Variants in MGAT4C observed in about 807,000 individuals in gnomAD.
MGAT4C encodes MGAT4 family member C, also known as alpha-1,3-mannosyl-glycoprotein 4-beta-N-acetylglucosaminyltransferase C.
In MGAT4C, 19 loss-of-function variants were observed where a neutral mutation model predicts 40.1. That is an observed-to-expected ratio of 0.47 (90% CI 0.33 to 0.70). The LOEUF (loss-of-function observed/expected upper bound fraction) is 0.70, where lower values mean the gene tolerates loss of function less well. Among genes scored for constraint, MGAT4C ranks in the 30% least tolerant of loss-of-function variants. The pLI, the probability that MGAT4C is intolerant of heterozygous loss-of-function variation, is 0.02. For synonymous variants in MGAT4C, 181 were observed against 187.1 expected, an observed-to-expected ratio of 0.97 and a Z score of 0.27; for missense variants, 491 against 563.2, an observed-to-expected ratio of 0.87 and a Z score of 1.30.
At chr12:86,040,308 T>G (rs1555211611) in intron 2 of MGAT4C, among the ~76,000 whole-genome samples, 1 of 152,206 alleles carries the variant, frequency 6.6e-6, no homozygotes, top group Non-Finnish European at 1.5e-5. Flanking sequence ...CAGGGAAGTT[T>G]AAGTCTGCTG....
chr12:86,260,591 G>A (rs1014895449), upstream of MGAT4C, among the ~76,000 whole-genome samples: 1 of 152,176 alleles, frequency 6.6e-6, no homozygotes, highest in Admixed American at 6.5e-5. Context: ...AGCAGAGTTA[G>A]TTATTATCTG....
intron 2 of MGAT4C, among the ~76,000 whole-genome samples, chr12:86,491,674 C>G (rs1031513730): frequency 6.6e-6 from 1 of 151,426 alleles, no homozygotes; most frequent in African/African-American, 2.4e-5. Flanking sequence ...CTATGACAAA[C>G]CCACAGCCAA....
chr12:86,741,732 C>T (rs1220956561), intron 1 of MGAT4C, among the ~76,000 whole-genome samples: 2 of 151,344 alleles, frequency 1.3e-5, no homozygotes, highest in East Asian at 3.9e-4. Context: ...ATTCATCTTC[C>T]TCTTATTCCT....
intron 1 of MGAT4C, among the ~76,000 whole-genome samples, chr12:86,733,852 A>G (rs1165391933): frequency 6.6e-6 from 1 of 152,144 alleles, no homozygotes; most frequent in Non-Finnish European, 1.5e-5. Context: ...TCTAAGCAAA[A>G]TGGGAATGTA....
intron 1 of MGAT4C, among the ~76,000 whole-genome samples, chr12:86,180,462 T>A (rs1458223542): frequency 6.6e-6 from 1 of 152,116 alleles, no homozygotes; most frequent in Non-Finnish European, 1.5e-5. Flanking sequence ...GCTTGCACCG[T>A]GCACGTGGAA....
At chr12:86,063,831 A>C (rs1305248894) in intron 1 of MGAT4C, among the ~76,000 whole-genome samples, 3 of 152,260 alleles carry the variant, frequency 2.0e-5, no homozygotes, top group African/African-American at 7.2e-5. Context: ...TAAAGTTATC[A>C]ATGCAACAAG....
At chr12:86,742,217 C>T (rs1593166717) in intron 1 of MGAT4C, among the ~76,000 whole-genome samples, 1 of 146,724 alleles carries the variant, frequency 6.8e-6, no homozygotes, top group South Asian at 2.4e-4. Context: ...TGCTGATTAA[C>T]TAAAACCAAC....
intron 1 of MGAT4C, among the ~76,000 whole-genome samples, chr12:86,193,750 A>G (rs1168923388): frequency 6.6e-6 from 1 of 152,152 alleles, no homozygotes; most frequent in Non-Finnish European, 1.5e-5. Context: ...TGCTGTTTCA[A>G]AGATAATGTG....
At chr12:86,173,357 T>G (rs1007253807) in intron 1 of MGAT4C, among the ~76,000 whole-genome samples, 1 of 152,112 alleles carries the variant, frequency 6.6e-6, no homozygotes, top group Non-Finnish European at 1.5e-5. Context: ...GAGATATATA[T>G]TTTTAGAAAT....
intron 1 of MGAT4C, among the ~76,000 whole-genome samples, chr12:86,174,629 C>G (rs1377401727): frequency 6.6e-6 from 1 of 152,010 alleles, no homozygotes; most frequent in Admixed American, 6.6e-5. Flanking sequence ...GTATGTAGCT[C>G]CACTCATTGT....
chr12:85,983,587 A>T lies in MGAT4C; in HGVS notation c.231T>A (p.Ser77=). 6.3e-7 allele frequency: 1 copy of T among 1,599,880 alleles called. No individual in the cohort carries two copies. Among genetic ancestry groups the T allele is most frequent in the Non-Finnish European group, 8.5e-7 (1 of 1,173,378 alleles). ...ERYVHTFKDL[S]NFSGAINVTY... ...TGACATTTATGGCTCCTGAGAAATT[A>T]GATAAATCCTTGAAAGTATGAACAT... The change falls in exon 4 of 5, where the codon TCT becomes TCA. Residue 77 remains serine (S), a synonymous_variant. Transcript: ENST00000611864.
intron 1 of MGAT4C, among the ~76,000 whole-genome samples, chr12:86,215,208 C>T (rs61949007): frequency 0.073 from 11,158 of 152,174 alleles, 572 homozygotes; most frequent in Middle Eastern, 0.22. Flanking sequence ...CTCATCATCT[C>T]TTTTTCCATA....
At chr12:86,466,184 G>C (rs1957679356) in intron 2 of MGAT4C, among the ~76,000 whole-genome samples, 1 of 149,074 alleles carries the variant, frequency 6.7e-6, no homozygotes, top group Non-Finnish European at 1.5e-5. Context: ...ACTCCAGCCT[G>C]GGGGCAAGAG....
At chr12:86,138,865 G>A (rs1882424418) in intron 1 of MGAT4C, among the ~76,000 whole-genome samples, 1 of 151,918 alleles carries the variant, frequency 6.6e-6, no homozygotes, top group South Asian at 2.1e-4. Flanking sequence ...TTATAAATTA[G>A]CAGCCACAGA....
At chr12:86,105,051 C>T (rs1006986069) in intron 1 of MGAT4C, among the ~76,000 whole-genome samples, 3 of 152,014 alleles carry the variant, frequency 2.0e-5, no homozygotes, top group Non-Finnish European at 4.4e-5. Context: ...ATTTACATTC[C>T]TTTTTCATGA....
chr12:86,360,854 C>T (rs1383039661), intron 3 of MGAT4C, among the ~76,000 whole-genome samples: 3 of 149,736 alleles, frequency 2.0e-5, no homozygotes, highest in Non-Finnish European at 2.9e-5. Flanking sequence ...AACAAATGGA[C>T]GAACGTTCCA....
chr12:86,396,967 A>G (rs945848140), intron 3 of MGAT4C, among the ~76,000 whole-genome samples: 10 of 152,142 alleles, frequency 6.6e-5, no homozygotes, highest in African/African-American at 1.7e-4. Context: ...GCTTTTTTCA[A>G]TCTACGATTT....
Position 85,979,501 on chromosome 12 carries a change from C to T in MGAT4C, c.1225G>A (p.Gly409Arg). ...EDRQNDILHH[G>R]ALDVGENVMP... Reference sequence around the variant, plus strand: ...ACGTTTTCCCCAACATCTAGGGCTCCATGATGCAAAATATCATTTTGCCGA... The same window carrying T: ...ACGTTTTCCCCAACATCTAGGGCTCTATGATGCAAAATATCATTTTGCCGA... The change falls in exon 5 of 5, where the codon GGA (glycine) becomes AGA (arginine). Residue 409 changes from glycine to arginine, a missense_variant. Gly to Arg is a moderately radical substitution (Grantham distance 125, BLOSUM62 -2). Coordinates refer to ENST00000611864, the MANE Select transcript of MGAT4C (RefSeq NM_001351288.2). 1 of 1,613,064 alleles carries T rather than the reference C, an allele frequency of 6.2e-7. No homozygotes were observed. The highest frequency in any genetic ancestry group is 8.5e-7 in the Non-Finnish European group (1 of 1,179,334).
At chr12:86,427,172 G>A (rs1956943917) in intron 3 of MGAT4C, among the ~76,000 whole-genome samples, 1 of 151,940 alleles carries the variant, frequency 6.6e-6, no homozygotes, top group Non-Finnish European at 1.5e-5. Flanking sequence ...TCCCTAAGAG[G>A]GGCTGCCTTC....
Sources: gnomAD v4.1 joint callset for allele counts (sites outside exome capture counted in the v4.1 genomes callset) on GRCh38, gnomAD v4.1.1 for gene constraint, MANE v1.5 for transcripts, NCBI Gene and HGNC (gene_info 2026-07-23, HGNC 2026-07-21) for gene names.